Variants in PGC observed in about 807,000 individuals in gnomAD.
The protein encoded by PGC is progastricsin.
A neutral mutation model predicts 45.9 loss-of-function variants in PGC; 31 were observed. The ratio of observed to expected loss-of-function variants is 0.67; its 90% CI spans 0.51 to 0.91. PGC has a LOEUF of 0.91. Among genes scored for constraint, PGC ranks in the 40% least tolerant of loss-of-function variants. The pLI, the probability that PGC is intolerant of heterozygous loss-of-function variation, is 0.00. For missense variants in PGC, 477 were observed against 493.2 expected (o/e 0.97, Z 0.31); for synonymous variants, 192 against 201.8 (o/e 0.95, Z 0.41).
At position 41,736,857 on chromosome 6, in the gene PGC, C is replaced by T. The variant is rs1187092869; in HGVS notation, c.1162G>A (p.Ala388Thr). 4 of 1,613,910 alleles carry T rather than the reference C, an allele frequency of 2.5e-6. No homozygotes were observed. Among genetic ancestry groups the T allele is most frequent in the African/African-American group, 2.7e-5 (2 of 74,878 alleles). ...CACGTGTCGAGGCAGCAAGTCTAGG[C>T]GGCAGTGGCAAAGCCTACTCTGTTG... ...GNNRVGFATA[A>T] Residue 388 changes from alanine to threonine, a missense_variant, in exon 9 of 9, where the codon GCC (alanine) becomes ACC (threonine). Ala to Thr is a moderately conservative substitution (Grantham distance 58). Transcript: ENST00000373025.
chr6:41,738,521 A>G (rs1292809504), intron 7 of PGC, among the ~76,000 whole-genome samples: 2 of 152,022 alleles, frequency 1.3e-5, no homozygotes, highest in East Asian at 1.9e-4. Context: ...CCAGCTACTC[A>G]GGAGGCTGAG....
At chr6:41,741,884 A>C (rs1443320451) in intron 5 of PGC, 3 of 1,445,288 alleles carry the variant, frequency 2.1e-6, no homozygotes, top group Admixed American at 3.9e-5. Context: ...ATACATTACT[A>C]TGCAAAAGAG....
At chr6:41,737,905 G>A in intron 7 of PGC, 77 bp from the exon 8 acceptor site, 1 of 873,652 alleles carries the variant, frequency 1.1e-6, no homozygotes. Context: ...TCAGCCCCTG[G>A]ATCCCAGGCC....
At chr6:41,747,200 C>T (rs1771944276) in intron 1 of PGC, 76 bp downstream of exon 1, 1 of 1,267,524 alleles carries the variant, frequency 7.9e-7, no homozygotes, top group South Asian at 1.2e-5. Flanking sequence ...AGGGTGTCCC[C>T]TGGCCCAGTT....
In PGC at chr6:41,744,002, G is replaced by A. The variant is rs1771879428; in HGVS notation, c.328+395C>T. The stretch of plus-strand genomic sequence containing the variant: ...TGTGTCTCTTGGAGACACTCAGTGA[G>A]AACTTAGTAAATACTGAGGTGGAGC... On this transcript the variant is annotated intron_variant, in intron 3 of 8. Coordinates refer to ENST00000373025, the MANE Select transcript of PGC (RefSeq NM_002630.4). This position sits in a 1 kb window ranked among gnomAD's most constrained non-coding sequence, Gnocchi z 4.4. Among the ~76,000 whole-genome samples, 1 of 152,164 alleles carries A rather than the reference G, an allele frequency of 6.6e-6. No individual in the cohort carries two copies. The highest frequency in any genetic ancestry group is 2.4e-5 in the African/African-American group (1 of 41,444).
At position 41,744,676 on chromosome 6, in the gene PGC, C is replaced by T; in HGVS notation, c.192G>A (p.Glu64=). Residue 64 remains glutamate (E), a synonymous_variant, in exon 2 of 9, where the codon GAG becomes GAA. Transcript: ENST00000373025. This position sits in a 1 kb window ranked among gnomAD's most constrained non-coding sequence, Gnocchi z 4.4. ...GACTCACATCCATGTAGGCCATGGGCTCGTAGGTCACGCTGAGGTCACCAA... is the reference window on the plus strand; with the variant it reads ...GACTCACATCCATGTAGGCCATGGGTTCGTAGGTCACGCTGAGGTCACCAA... ...YRFGDLSVTY[E]PMAYMDAAYF... is the part of the protein sequence containing the mutation. The T allele has an allele frequency of 6.2e-7, 1 of 1,614,150 alleles. No individual in the cohort carries two copies. The highest frequency in any genetic ancestry group is 8.5e-7 in the Non-Finnish European group (1 of 1,180,016).
rs1163514068 is a variant in PGC, at chr6:41,742,495, G to A, written c.448-6C>T. 2 of 1,613,432 alleles carry A rather than the reference G, an allele frequency of 1.2e-6. No homozygotes were observed. Among genetic ancestry groups the A allele is most frequent in the African/African-American group, 2.7e-5 (2 of 74,898 alleles). ...GGGACCTGGATGCTCTGGACCTAAT[G>A]GAGACACAAACGAGGGGAGGTGACC... On this transcript the variant is annotated splice_polypyrimidine_tract_variant and splice_region_variant and intron_variant, in intron 4 of 8. Transcript: ENST00000373025.
intron 5 of PGC, among the ~76,000 whole-genome samples, 162 bp downstream of exon 5, chr6:41,742,128 C>T (rs745653005): frequency 6.6e-6 from 1 of 152,192 alleles, no homozygotes; most frequent in African/African-American, 2.4e-5. Flanking sequence ...GGAGAGGATT[C>T]GAGAGGAAGC....
intron 4 of PGC, among the ~76,000 whole-genome samples, 161 bp from the exon 5 acceptor site, chr6:41,742,650 G>A (rs1210252947): frequency 1.3e-5 from 2 of 152,126 alleles, no homozygotes; most frequent in Admixed American, 6.5e-5. Context: ...GTTTGAGACA[G>A]AGTCTCGCCC....
intron 1 of PGC, among the ~76,000 whole-genome samples, chr6:41,745,856 T>G (rs1401697511): frequency 6.6e-6 from 1 of 150,946 alleles, no homozygotes; most frequent in African/African-American, 2.4e-5. Context: ...GCCCAGGAAA[T>G]GCACATTTTT....
At chr6:41,738,137 T>A (rs1041783290) in intron 7 of PGC, among the ~76,000 whole-genome samples, 1 of 51,590 alleles carries the variant, frequency 1.9e-5, no homozygotes, top group Non-Finnish European at 4.0e-5. Flanking sequence ...TATATGCATA[T>A]ATATATGCAT....
chr6:41,740,642 G>A (rs1771805385), intron 5 of PGC, 32 bp from the exon 6 acceptor site: 1 of 1,565,924 alleles, frequency 6.4e-7, no homozygotes, highest in South Asian at 1.2e-5. Flanking sequence ...GGAAGTCAGG[G>A]AGTGCCATGG....
intron 1 of PGC, among the ~76,000 whole-genome samples, chr6:41,745,934 G>A (rs369297783): frequency 7.9e-5 from 12 of 151,758 alleles, no homozygotes; most frequent in African/African-American, 2.4e-4. Context: ...AGGCCGAGGC[G>A]GGTGGATCAC....
intron 5 of PGC, 37 bp from the exon 6 acceptor site, chr6:41,740,647 C>A (rs373598625): frequency 4.5e-6 from 7 of 1,562,834 alleles, no homozygotes; most frequent in Non-Finnish European, 6.1e-6. Flanking sequence ...TCAGGGAGTG[C>A]CATGGAAAAG....
At position 41,743,627 on chromosome 6, in the gene PGC, C is replaced by T. The variant is rs564543041; in HGVS notation, c.329-238G>A. ...TTGGGATGCCTCAGGACTGTGGCCT[C>T]CCTGTGGACAGGTTTGCAGAGAACC... is the stretch of plus-strand genomic sequence containing the variant. On this transcript the variant is annotated intron_variant, in intron 3 of 8. Coordinates refer to ENST00000373025, the MANE Select transcript of PGC (RefSeq NM_002630.4). 1.3e-4 allele frequency among the ~76,000 whole-genome samples: 20 copies of T among 152,316 alleles called. No individual in the cohort carries two copies. The South Asian group carries it at 3.5e-3, about 27-fold the overall frequency.
At position 41,737,812 on chromosome 6, in the gene PGC, T is replaced by C. The variant is rs142306545; in HGVS notation, c.932A>G (p.Asn311Ser). The C allele has an allele frequency of 6.2e-6, 10 of 1,610,318 alleles. No homozygotes were observed. The African/African-American group carries it at 1.1e-4, about 17-fold the overall frequency. ...CAAGCTGGGCAGATTCTGAATGCTG[T>C]TACAGTTCACGAGAAACTGCAAGAG... ...DEYGQFLVNC[N>S]SIQNLPSLTF... The change falls in exon 8 of 9, where the codon AAC (asparagine) becomes AGC (serine). Residue 311 changes from asparagine (N) to serine (S), a missense_variant. Physicochemically the swap from Asn to Ser is conservative, Grantham distance 46. Coordinates refer to ENST00000373025, the MANE Select transcript of PGC (RefSeq NM_002630.4).
intron 5 of PGC, chr6:41,741,975 G>C: frequency 1.4e-6 from 1 of 724,890 alleles, no homozygotes; most frequent in Admixed American, 2.3e-5. Flanking sequence ...CCTGTCCAAG[G>C]GGTGCTGAGA....
At chr6:41,737,957 G>T in intron 7 of PGC, 129 bp from the exon 8 acceptor site, 1 of 607,720 alleles carries the variant, frequency 1.6e-6, no homozygotes, top group Non-Finnish European at 3.0e-6. Flanking sequence ...TTGGACTAGA[G>T]AATGCAGCTC....
At chr6:41,740,871 C>A (rs536949034) in intron 5 of PGC, 3 of 1,432,312 alleles carry the variant, frequency 2.1e-6, no homozygotes, top group African/African-American at 1.4e-5. Flanking sequence ...CAGACTGGGG[C>A]TCCCTGAGGA....
Sources: allele counts gnomAD v4.1 joint callset (sites outside exome capture counted in the v4.1 genomes callset), GRCh38; gene constraint gnomAD v4.1.1; non-coding constraint Gnocchi (gnomAD v3.1); transcripts MANE v1.5; gene names NCBI Gene and HGNC (gene_info 2026-07-23, HGNC 2026-07-21).